Variants in ARHGAP26 observed in about 807,000 individuals in gnomAD.
The protein encoded by ARHGAP26 is Rho GTPase activating protein 26.
In ARHGAP26, 38 loss-of-function variants were observed where a neutral mutation model predicts 104.8. The ratio of observed to expected loss-of-function variants is 0.36; its 90% CI spans 0.28 to 0.48. ARHGAP26 has a LOEUF of 0.48. Ranked by LOEUF, ARHGAP26 falls within the 20% of genes least tolerant of loss-of-function variation. ARHGAP26 has a pLI of 0.99. For synonymous variants in ARHGAP26, 341 were observed against 340.0 expected (o/e 1.00, Z -0.03); for missense variants, 704 against 947.9 (o/e 0.74, Z 3.38).
chr5:143,064,414 T>C (rs948378256), intron 17 of ARHGAP26, among the ~76,000 whole-genome samples: 65 of 151,066 alleles, frequency 4.3e-4, no homozygotes, highest in Non-Finnish European at 4.3e-4. Context: ...TTTTTTTTTT[T>C]CTCCTGGAAG....
intron 4 of ARHGAP26, among the ~76,000 whole-genome samples, chr5:142,880,106 C>T (rs1756735180): frequency 6.6e-6 from 1 of 152,236 alleles, no homozygotes; most frequent in Non-Finnish European, 1.5e-5. Context: ...TTTGTTATCA[C>T]TGACCTGGAG....
At chr5:142,869,121 G>C (rs368039637) in intron 1 of ARHGAP26, among the ~76,000 whole-genome samples, 1 of 152,108 alleles carries the variant, frequency 6.6e-6, no homozygotes, top group African/African-American at 2.4e-5. Context: ...CAGCCATGAG[G>C]CCAATCCTGT....
At chr5:143,009,288 TATCATCGTCAGCATC>T (rs1487223413) in intron 11 of ARHGAP26, among the ~76,000 whole-genome samples, 5 of 152,188 alleles carry the variant, frequency 3.3e-5, no homozygotes, top group Admixed American at 3.3e-4. Flanking sequence ...ATCTCACCTT[TATCATCGTCAGCATC>T]ATCATCGTCG....
At position 142,901,915 on chromosome 5, in the gene ARHGAP26, C is replaced by A; in HGVS notation, c.598-20C>A. On this transcript the variant is annotated intron_variant, in intron 6 of 22. Coordinates refer to ENST00000645722, the MANE Select transcript of ARHGAP26 (RefSeq NM_001135608.3). ...TTTCAACCTGGTTATGTGACCTTTG[C>A]CTTTCTTCCTTCATTACAGCTGCTG... 9 of 1,607,488 alleles carry A rather than the reference C, an allele frequency of 5.6e-6. No individual in the cohort carries two copies. The highest frequency in any genetic ancestry group is 7.7e-6 in the Non-Finnish European group (9 of 1,174,296).
intron 12 of ARHGAP26, among the ~76,000 whole-genome samples, chr5:143,026,658 C>G (rs920975339): frequency 6.6e-6 from 1 of 152,032 alleles, no homozygotes; most frequent in African/African-American, 2.4e-5. Flanking sequence ...TGGGGCTAGA[C>G]CATGTGGGGC....
intron 1 of ARHGAP26, chr5:142,771,486 A>T: frequency 5.5e-6 from 6 of 1,098,860 alleles, no homozygotes; most frequent in Non-Finnish European, 6.9e-6. Flanking sequence ...ATTGGCAGCC[A>T]GTAATCTCTA....
At chr5:143,134,225 G>A in intron 19 of ARHGAP26, 120 bp downstream of exon 19, 1 of 1,241,584 alleles carries the variant, frequency 8.1e-7, no homozygotes, top group Non-Finnish European at 1.1e-6. Flanking sequence ...TGTCCTTGAA[G>A]ACTGTATCAT....
At chr5:142,771,017 C>G (rs1461877172) in intron 1 of ARHGAP26, 102 bp downstream of exon 1, 10 of 1,468,948 alleles carry the variant, frequency 6.8e-6, no homozygotes, top group Non-Finnish European at 9.1e-6. Context: ...TTTCTGCTCC[C>G]GGTACACTGG....
At chr5:142,929,832 G>C (rs865946426) in intron 10 of ARHGAP26, among the ~76,000 whole-genome samples, 4 of 152,150 alleles carry the variant, frequency 2.6e-5, no homozygotes, top group Admixed American at 2.0e-4. Context: ...CTGTTTGCTG[G>C]TGAGCCACTA....
intron 11 of ARHGAP26, among the ~76,000 whole-genome samples, chr5:142,973,827 C>A (rs1371482087): frequency 6.6e-6 from 1 of 152,094 alleles, no homozygotes; most frequent in Non-Finnish European, 1.5e-5. Context: ...CAGAAAAAGA[C>A]TCTCCGTTGG....
At chr5:142,869,539 A>C (rs1343509300) in intron 1 of ARHGAP26, among the ~76,000 whole-genome samples, 2 of 152,126 alleles carry the variant, frequency 1.3e-5, no homozygotes, top group African/African-American at 4.8e-5. Flanking sequence ...AAAACATTTC[A>C]AGGGTAGTTA....
At chr5:143,220,169 G>A (rs1440374795) in intron 22 of ARHGAP26, among the ~76,000 whole-genome samples, 1 of 152,140 alleles carries the variant, frequency 6.6e-6, no homozygotes, top group Non-Finnish European at 1.5e-5. Flanking sequence ...GGGAGGGCCT[G>A]GTTTTTGTTT....
At chr5:142,941,702 A>G (rs2152561147) in intron 11 of ARHGAP26, among the ~76,000 whole-genome samples, 1 of 152,342 alleles carries the variant, frequency 6.6e-6, no homozygotes, top group East Asian at 1.9e-4. Flanking sequence ...ATTCAGAAGA[A>G]CAATTTCTCA....
intron 1 of ARHGAP26, among the ~76,000 whole-genome samples, chr5:142,837,172 A>G (rs544725474): frequency 5.3e-5 from 8 of 152,284 alleles, no homozygotes; most frequent in Admixed American, 1.3e-4. Context: ...GTTTGGAGGC[A>G]AGAAGGCCTG....
rs148898677 is a variant in ARHGAP26, at chr5:142,970,056, G to C, written c.1107+37931G>C. ...AGTGTGTATAAACAGCCCACACCAG[G>C]GACTTTTTGTAGATACTGTTAGTCA... On this transcript the variant is annotated intron_variant, in intron 11 of 22. Coordinates refer to ENST00000645722, the MANE Select transcript of ARHGAP26 (RefSeq NM_001135608.3). Among the ~76,000 whole-genome samples the C allele has an allele frequency of 7.7e-4, 117 of 152,262 alleles. 3 individuals carry two copies. Among genetic ancestry groups the C allele is most frequent in the African/African-American group, 2.6e-3 (106 of 41,528 alleles).
rs375457039 is a variant in ARHGAP26, at chr5:142,944,137, C to T, written c.1107+12012C>T. ...GCTCTAATGTGAGGGAGAAGTCCCT[C>T]TCTAGAGTTAAAAGTGTAGTGTGAT... is the stretch of plus-strand genomic sequence containing the variant. On this transcript the variant is annotated intron_variant, in intron 11 of 22. Transcript: ENST00000645722. Among the ~76,000 whole-genome samples, 305 of 152,318 alleles carry T rather than the reference C, an allele frequency of 2.0e-3. 7 individuals carry two copies. In the South Asian group the frequency reaches 0.027, roughly 13 times the overall value.
Position 142,812,630 on chromosome 5 carries a change from G to A in ARHGAP26, c.154+41715G>A, listed in dbSNP as rs938182243. On this transcript the variant is annotated intron_variant, in intron 1 of 22. Coordinates refer to ENST00000645722, the MANE Select transcript of ARHGAP26 (RefSeq NM_001135608.3). ...TGGAATTATGGGCATGAGCCACCAC[G>A]CGCAGCTTCAATCCTCCCTCTTCTG... Among the ~76,000 whole-genome samples the A allele has an allele frequency of 1.4e-4, 22 of 152,240 alleles. No individual in the cohort carries two copies. The South Asian group carries it at 1.9e-3, about 13-fold the overall frequency.
intron 8 of ARHGAP26, 95 bp from the exon 9 acceptor site, chr5:142,907,609 G>A: frequency 1.5e-6 from 1 of 665,592 alleles, no homozygotes. Context: ...TAGGGTAGAT[G>A]AGCATTATGA....
chr5:143,216,530 C>G (rs545562921), intron 22 of ARHGAP26: 37 of 322,572 alleles, frequency 1.1e-4, no homozygotes, highest in South Asian at 8.4e-4. Context: ...CCCGTCAAAT[C>G]CAACCTGCCA....
Sources: gnomAD v4.1 joint callset for allele counts (sites outside exome capture counted in the v4.1 genomes callset) on GRCh38, gnomAD v4.1.1 for gene constraint, MANE v1.5 for transcripts, NCBI Gene and HGNC (gene_info 2026-07-23, HGNC 2026-07-21) for gene names.